Variants in DHRSX observed in about 807,000 individuals in gnomAD.
DHRSX encodes the protein dehydrogenase/reductase X-linked, also known as polyprenol dehydrogenase.
In DHRSX, 31 loss-of-function variants were observed where a neutral mutation model predicts 34.0. The observed-to-expected ratio is 0.91, with a 90% CI of 0.69 to 1.23. The LOEUF is 1.23. Ranked by LOEUF, DHRSX falls within the 50% of genes most tolerant of loss-of-function variation. DHRSX has a pLI of 0.00. For synonymous variants in DHRSX, 201 were observed against 183.8 expected (o/e 1.09, Z -0.76); for missense variants, 414 against 428.1 (o/e 0.97, Z 0.29).
intron 6 of DHRSX, among the ~76,000 whole-genome samples, chrX:2,234,003 A>C (rs1288813106): frequency 6.6e-6 from 1 of 152,218 alleles, no homozygotes; most frequent in Non-Finnish European, 1.5e-5. Context: ...CATAGCAGGG[A>C]AGGAGAGGAG....
intron 6 of DHRSX, among the ~76,000 whole-genome samples, chrX:2,225,022 GCA>G (rs1280634534): frequency 2.8e-5 from 4 of 145,384 alleles, no homozygotes; most frequent in African/African-American, 7.8e-5. Context: ...TCATTCACAT[GCA>G]CACAGCTCAC....
In DHRSX at chrX:2,243,788, GTTTTTTT is replaced by G. The variant is rs778957532; in HGVS notation, c.597-565_597-559del. Reference sequence around the variant, plus strand: ...ACAGGCAGGAGCCACTATGCTCCCTGTTTTTTTTTTTTTTTTTTTTTTTTTTTTTTTT... The same window carrying G: ...ACAGGCAGGAGCCACTATGCTCCCTGTTTTTTTTTTTTTTTTTTTTTTTTT... On this transcript the variant is annotated intron_variant, in intron 5 of 6. Transcript: ENST00000334651. Among the ~76,000 whole-genome samples, 171 of 25,154 alleles carry G rather than the reference GTTTTTTT, an allele frequency of 6.8e-3. 1 individual carries two copies. The highest frequency in any genetic ancestry group is 0.042 in the Middle Eastern group (1 of 24). 16.5% of individuals were successfully genotyped at this position (25,154 alleles called of 152,430 possible). A position where few individuals can be genotyped will look rare whatever the true frequency, so the allele number is the denominator to read the frequency against.
chrX:2,303,637 T>A (rs764247599), intron 3 of DHRSX, among the ~76,000 whole-genome samples: 11 of 152,266 alleles, frequency 7.2e-5, no homozygotes, highest in African/African-American at 2.6e-4. Flanking sequence ...TACTTCTTTA[T>A]AGCAATGCAA....
intron 3 of DHRSX, among the ~76,000 whole-genome samples, chrX:2,306,894 G>A (rs375729668): frequency 3.4e-5 from 5 of 149,064 alleles, no homozygotes; most frequent in South Asian, 2.1e-4. Context: ...ACATCTGGTC[G>A]AATTCAGCTG....
At chrX:2,479,636 C>T (rs2044739095) in intron 1 of DHRSX, among the ~76,000 whole-genome samples, 2 of 151,464 alleles carry the variant, frequency 1.3e-5, no homozygotes, top group Admixed American at 1.3e-4. Flanking sequence ...CTGCCCTGTG[C>T]ACACTGAAGA....
intron 1 of DHRSX, among the ~76,000 whole-genome samples, chrX:2,482,476 G>A (rs974362732): frequency 2.6e-5 from 4 of 151,942 alleles, no homozygotes; most frequent in African/African-American, 9.7e-5. Flanking sequence ...GTTTGCCCAG[G>A]CTGATCTCAA....
intron 3 of DHRSX, among the ~76,000 whole-genome samples, chrX:2,406,492 G>A (rs2043557365): frequency 1.3e-5 from 2 of 150,664 alleles, no homozygotes; most frequent in Non-Finnish European, 3.0e-5. Context: ...CCAGGCTGGA[G>A]TGCAAAGGTG....
intron 1 of DHRSX, among the ~76,000 whole-genome samples, chrX:2,461,948 A>G (rs1298253520): frequency 1.3e-5 from 2 of 152,144 alleles, no homozygotes; most frequent in Non-Finnish European, 2.9e-5. Flanking sequence ...TCGGCCTCCC[A>G]AAGTGCTGGG....
At chrX:2,298,104 G>A (rs1434402222) in intron 3 of DHRSX, among the ~76,000 whole-genome samples, 2 of 151,964 alleles carry the variant, frequency 1.3e-5, no homozygotes, top group Non-Finnish European at 2.9e-5. Context: ...ACAGATGAGA[G>A]AAAATGATGA....
intron 3 of DHRSX, among the ~76,000 whole-genome samples, chrX:2,330,070 CGGCGGGGGGGGGGG>C (rs2042439180): frequency 1.3e-5 from 1 of 74,768 alleles, no homozygotes; most frequent in Non-Finnish European, 2.4e-5. Flanking sequence ...AGCAGAGAGA[CGGCGGGGGGGGGGG>C]GGGGGGGGGG....
intron 3 of DHRSX, among the ~76,000 whole-genome samples, chrX:2,317,959 G>A (rs1031566686): frequency 5.9e-5 from 9 of 152,056 alleles, no homozygotes; most frequent in Admixed American, 5.9e-4. Context: ...AGATTTTGGA[G>A]CCCACAAGAA....
Position 2,265,797 on chromosome X carries a change from T to C in DHRSX, c.596+943A>G, listed in dbSNP as rs2041452523. Among the ~76,000 whole-genome samples the C allele has an allele frequency of 2.2e-5, 3 of 137,960 alleles. No individual in the cohort carries two copies. In the South Asian group the frequency reaches 7.4e-4, roughly 34 times the overall value. 90.5% of individuals were successfully genotyped at this position (137,960 alleles called of 152,430 possible). A position where few individuals can be genotyped will look rare whatever the true frequency, so the allele number is the denominator to read the frequency against. On this transcript the variant is annotated intron_variant, in intron 5 of 6. Transcript: ENST00000334651. ...GGGAGCACTGTCCCCAGAGCACCGGTGTCCAGCAGACGCAGGGAGCACTGT... is the reference window on the plus strand; with the variant it reads ...GGGAGCACTGTCCCCAGAGCACCGGCGTCCAGCAGACGCAGGGAGCACTGT...
At chrX:2,365,298 C>A (rs2042983489) in intron 3 of DHRSX, among the ~76,000 whole-genome samples, 1 of 152,152 alleles carries the variant, frequency 6.6e-6, no homozygotes, top group Non-Finnish European at 1.5e-5. Context: ...CACCACCACG[C>A]CTGGCTGATT....
chrX:2,369,599 C>T (rs2043033632), intron 3 of DHRSX, among the ~76,000 whole-genome samples: 1 of 152,094 alleles, frequency 6.6e-6, no homozygotes, highest in African/African-American at 2.4e-5. Context: ...CAGGTTCAAA[C>T]GATTCCCCTG....
intron 2 of DHRSX, among the ~76,000 whole-genome samples, chrX:2,413,799 A>G (rs2043660448): frequency 6.6e-6 from 1 of 152,154 alleles, no homozygotes; most frequent in South Asian, 2.1e-4. Flanking sequence ...ATTAGGACTA[A>G]CCAAAATACA....
At chrX:2,297,309 G>A (rs1386513613) in intron 3 of DHRSX, among the ~76,000 whole-genome samples, 2 of 152,150 alleles carry the variant, frequency 1.3e-5, no homozygotes, top group Non-Finnish European at 2.9e-5. Context: ...TTGTTGTAGA[G>A]ATCGGATTTT....
rs1379681796 is a variant in DHRSX at position 2,268,454 on chromosome X, G to A, written c.389-1507C>T. 5.3e-5 allele frequency among the ~76,000 whole-genome samples: 8 copies of A among 152,124 alleles called. No homozygotes were observed. The South Asian group carries it at 6.2e-4, about 12-fold the overall frequency. On this transcript the variant is annotated intron_variant, in intron 4 of 6. Coordinates refer to ENST00000334651, the MANE Select transcript of DHRSX (RefSeq NM_145177.3). ...TCTATTCATATACATATATGCATAC[G>A]CATTTGTAAATGTGTTTATATAGCT...
At chrX:2,399,406 T>TA (rs776224649) in intron 3 of DHRSX, among the ~76,000 whole-genome samples, 7,651 of 142,150 alleles carry the variant, frequency 0.054, 479 homozygotes, top group African/African-American at 0.15. Flanking sequence ...ATTTTATGTT[T>TA]AAAAAAAAAA....
intron 3 of DHRSX, among the ~76,000 whole-genome samples, chrX:2,366,416 G>A (rs1279251906): frequency 6.6e-6 from 1 of 151,496 alleles, no homozygotes; most frequent in African/African-American, 2.4e-5. Context: ...CTCCAGCCTG[G>A]GCAACAAGAG....
Sources: gnomAD v4.1 joint callset for allele counts (sites outside exome capture counted in the v4.1 genomes callset) on GRCh38, gnomAD v4.1.1 for gene constraint, MANE v1.5 for transcripts, NCBI Gene and HGNC (gene_info 2026-07-23, HGNC 2026-07-21) for gene names.